The following PDXDC1 variants were observed in gnomAD, a reference collection of about 807,000 sequenced individuals.
PDXDC1 encodes pyridoxal dependent decarboxylase domain containing 1.
Under a neutral mutation model 100.1 loss-of-function variants are expected in PDXDC1, and 42 were observed. The observed-to-expected ratio is 0.42, with a 90% CI of 0.33 to 0.54. The LOEUF (loss-of-function observed/expected upper bound fraction) is 0.54, where lower values mean the gene tolerates loss of function less well. Among genes scored for constraint, PDXDC1 ranks in the 20% least tolerant of loss-of-function variants. The pLI is 0.10. For synonymous variants in PDXDC1, 260 were observed against 371.7 expected, an observed-to-expected ratio of 0.70 and a Z score of 3.46; for missense variants, 636 against 979.2, an observed-to-expected ratio of 0.65 and a Z score of 4.68.
intron 16 of PDXDC1, among the ~76,000 whole-genome samples, chr16:15,098,772 G>T (rs1171312479): frequency 6.6e-6 from 1 of 151,930 alleles, no homozygotes; most frequent in East Asian, 2.0e-4. Context: ...CAGCTACTTG[G>T]GAGGCTGAGG....
chr16:15,075,792 G>A (rs1442432777), intron 16 of PDXDC1, among the ~76,000 whole-genome samples: 1 of 152,132 alleles, frequency 6.6e-6, no homozygotes, highest in Non-Finnish European at 1.5e-5. Flanking sequence ...CATGGCGGGT[G>A]CTTTTGGTGC....
intron 16 of PDXDC1, among the ~76,000 whole-genome samples, chr16:15,095,501 C>T (rs1707248492): frequency 6.6e-6 from 1 of 152,154 alleles, no homozygotes; most frequent in South Asian, 2.1e-4. Context: ...CACTGCACTC[C>T]TGCTTGGGCA....
intron 19 of PDXDC1, 35 bp downstream of exon 19, chr16:15,033,434 G>C (rs2043189547): frequency 1.2e-6 from 2 of 1,605,424 alleles, no homozygotes; most frequent in South Asian, 1.1e-5. Context: ...TTCCTCTTCT[G>C]AGTTTTGTCC....
chr16:15,117,464 C>G (rs1469301394), intron 16 of PDXDC1, among the ~76,000 whole-genome samples: 1 of 149,800 alleles, frequency 6.7e-6, no homozygotes, highest in East Asian at 2.0e-4. Flanking sequence ...GGAGACTATC[C>G]TGGCGAACAT....
intron 3 of PDXDC1, among the ~76,000 whole-genome samples, chr16:14,999,330 G>A (rs1312764990): frequency 2.0e-5 from 3 of 152,216 alleles, no homozygotes; most frequent in Non-Finnish European, 4.4e-5. Context: ...GCCTCTCAAA[G>A]TGCTGGGACT....
chr16:15,006,081 T>G (rs1282594451), intron 5 of PDXDC1, among the ~76,000 whole-genome samples: 1 of 152,300 alleles, frequency 6.6e-6, no homozygotes, highest in East Asian at 1.9e-4. Context: ...GTGCTGGCCT[T>G]AGTTCATAAT....
Position 15,032,859 on chromosome 16 carries a change from A to G in PDXDC1, c.1572-2A>G, listed in dbSNP as rs750825961. The G allele has an allele frequency of 9.3e-6, 14 of 1,498,696 alleles. No individual in the cohort carries two copies. The highest frequency in any genetic ancestry group is 1.1e-5 in the Non-Finnish European group (12 of 1,074,822). The allele number at this position is 1,498,696 out of a possible 1,614,324, so 92.8% of individuals were successfully genotyped here. On this transcript the variant is annotated splice_acceptor_variant, in intron 17 of 22. Transcript: ENST00000396410. LOFTEE classifies it high-confidence loss of function. ...AAATGCTGTGGTTTGATGTTGTTTT[A>G]GGTATGAACATGCTAATGATGATAA...
At chr16:15,020,949 C>T (rs1368460541) in intron 12 of PDXDC1, among the ~76,000 whole-genome samples, 2 of 152,128 alleles carry the variant, frequency 1.3e-5, no homozygotes, top group South Asian at 2.1e-4. Context: ...CGTGCCACTG[C>T]ACTCCAGCCT....
intron 16 of PDXDC1, among the ~76,000 whole-genome samples, chr16:15,074,251 TA>T (rs2045357099): frequency 6.6e-6 from 1 of 152,188 alleles, no homozygotes; most frequent in South Asian, 2.1e-4. Context: ...TCTTAAATCT[TA>T]GCAATGTGAA....
intron 1 of PDXDC1, among the ~76,000 whole-genome samples, chr16:14,991,428 G>A (rs1318595656): frequency 6.6e-6 from 1 of 152,236 alleles, no homozygotes; most frequent in Non-Finnish European, 1.5e-5. Context: ...AACCTCCCAA[G>A]TAGTTGGGAC....
intron 16 of PDXDC1, among the ~76,000 whole-genome samples, chr16:15,095,781 CA>C (rs2046333463): frequency 6.6e-6 from 1 of 150,438 alleles, no homozygotes; most frequent in Admixed American, 6.7e-5. Flanking sequence ...ACCCAGGAGG[CA>C]GAGGTTGCAG....
chr16:15,070,173 G>C, intron 16 of PDXDC1: 1 of 1,609,824 alleles, frequency 6.2e-7, no homozygotes, highest in Non-Finnish European at 8.5e-7. Flanking sequence ...CAACATCGCA[G>C]AATGCCTTTG....
At chr16:14,977,686 G>A (rs1967012203) in intron 1 of PDXDC1, among the ~76,000 whole-genome samples, 4 of 152,256 alleles carry the variant, frequency 2.6e-5, no homozygotes, top group Admixed American at 2.6e-4. Flanking sequence ...TAATATGAAT[G>A]TTGATGACTT....
At chr16:15,073,850 T>C (rs1228523341) in intron 16 of PDXDC1, among the ~76,000 whole-genome samples, 3 of 152,170 alleles carry the variant, frequency 2.0e-5, no homozygotes, top group East Asian at 1.9e-4. Context: ...CTTGAACTCC[T>C]GGCCTCAGTG....
chr16:15,060,904 G>A (rs1292449567), intron 16 of PDXDC1: 1 of 152,228 alleles, frequency 6.6e-6, no homozygotes, highest in Non-Finnish European at 1.5e-5. Flanking sequence ...CCAAGGAGCA[G>A]TTCTAGATCT....
At chr16:15,012,458 A>G (rs2041392909) in intron 8 of PDXDC1, among the ~76,000 whole-genome samples, 1 of 152,298 alleles carries the variant, frequency 6.6e-6, no homozygotes, top group African/African-American at 2.4e-5. Flanking sequence ...TTCATCAAAG[A>G]AAATGAAAAT....
chr16:15,030,140 C>G, intron 16 of PDXDC1, 84 bp downstream of exon 16: 1 of 1,153,600 alleles, frequency 8.7e-7, no homozygotes, highest in East Asian at 2.7e-5. Flanking sequence ...CTCCATTCTC[C>G]TAGAGTTATT....
chr16:15,068,953 T>A (rs951254124), intron 16 of PDXDC1, among the ~76,000 whole-genome samples: 4 of 152,210 alleles, frequency 2.6e-5, no homozygotes, highest in African/African-American at 9.7e-5. Flanking sequence ...AAATGGGATG[T>A]CACAGCTTAC....
chr16:15,017,899 AT>A (rs1402428716), intron 11 of PDXDC1, among the ~76,000 whole-genome samples: 16 of 151,902 alleles, frequency 1.1e-4, no homozygotes, highest in Non-Finnish European at 2.4e-4. Flanking sequence ...GGTTCAAGTG[AT>A]TCTCTTGCCT....
Sources: gnomAD v4.1 joint callset for allele counts (sites outside exome capture counted in the v4.1 genomes callset) on GRCh38, gnomAD v4.1.1 for gene constraint, MANE v1.5 for transcripts, NCBI Gene and HGNC (gene_info 2026-07-23, HGNC 2026-07-21) for gene names.